LHFPL7: variants seen among roughly 807,000 people sequenced by gnomAD.
LHFPL7 encodes the protein LHFPL tetraspan subfamily member 7 protein.
the LHFPL7 span, among the ~76,000 whole-genome samples, chr22:24,941,979 T>TTTTTTTTATTTATTTATTTA: frequency 1.8e-4 from 26 of 145,888 alleles, no homozygotes; most frequent in African/African-American, 6.5e-4. Context: ...TTCAAATGTA[T>TTTTTTTTATTTATTTATTTA]TTTATTTATT....
At chr22:24,942,290 G>A in the LHFPL7 span, among the ~76,000 whole-genome samples, 2 of 152,194 alleles carry the variant, frequency 1.3e-5, no homozygotes, top group African/African-American at 4.8e-5. Context: ...CACCGCGCCC[G>A]GCCTCAAATG....
chr22:24,939,276 G>A, the LHFPL7 span: 1 of 700,676 alleles, frequency 1.4e-6, no homozygotes, highest in South Asian at 1.5e-5. Context: ...CAGCTTTCCT[G>A]CCTTAATGAG....
chr22:24,935,572 G>A, the LHFPL7 span: 205 of 1,612,714 alleles, frequency 1.3e-4, no homozygotes, highest in Non-Finnish European at 1.6e-4. Context: ...GGGAAAATCA[G>A]CAGACCCACA....
the LHFPL7 span, chr22:24,939,472 T>G: frequency 1.4e-6 from 1 of 702,966 alleles, no homozygotes. Context: ...GCAGGGGAGA[T>G]GAGGCTGAAG....
At chr22:24,946,321 CA>C in the LHFPL7 span, among the ~76,000 whole-genome samples, 1 of 151,796 alleles carries the variant, frequency 6.6e-6, no homozygotes, top group Non-Finnish European at 1.5e-5. Context: ...AAAAGAAAAA[CA>C]AAAAAACAAA....
chr22:24,941,602 G>GTTT, the LHFPL7 span, among the ~76,000 whole-genome samples: 1 of 96,566 alleles, frequency 1.0e-5, no homozygotes, highest in Non-Finnish European at 2.2e-5. Flanking sequence ...GCGTATATTT[G>GTTT]TTTTTTTTTT....
At chr22:24,935,405 C>T in the LHFPL7 span, 1 of 1,613,912 alleles carries the variant, frequency 6.2e-7, no homozygotes, top group Non-Finnish European at 8.5e-7. Context: ...TCCCTTGGAC[C>T]TTGGTTGTGT....
At chr22:24,946,241 C>T in the LHFPL7 span, among the ~76,000 whole-genome samples, 1 of 150,888 alleles carries the variant, frequency 6.6e-6, no homozygotes, top group Admixed American at 6.6e-5. Context: ...ACCCGGAAGG[C>T]GGAGGTTGCA....
the LHFPL7 span, among the ~76,000 whole-genome samples, chr22:24,942,825 T>G: frequency 6.6e-6 from 1 of 150,824 alleles, no homozygotes; most frequent in Non-Finnish European, 1.5e-5. Flanking sequence ...CTATAGGAGT[T>G]TGGGGAGATG....
At chr22:24,941,293 C>T in the LHFPL7 span, among the ~76,000 whole-genome samples, 42 of 151,902 alleles carry the variant, frequency 2.8e-4, no homozygotes, top group Non-Finnish European at 5.6e-4. Context: ...CTCAGCCTCC[C>T]GAGTAGCTGG....
chr22:24,938,700 ACAAT>A, the LHFPL7 span, among the ~76,000 whole-genome samples: 1 of 152,154 alleles, frequency 6.6e-6, no homozygotes, highest in African/African-American at 2.4e-5. Context: ...CACCCTTATA[ACAAT>A]CAATTTTGAA....
the LHFPL7 span, chr22:24,939,700 G>A: frequency 1.6e-6 from 1 of 619,704 alleles, no homozygotes; most frequent in Non-Finnish European, 2.9e-6. Flanking sequence ...GCAAATGGGA[G>A]GTACTAATAA....
chr22:24,945,779 C>T, the LHFPL7 span, among the ~76,000 whole-genome samples: 1 of 152,238 alleles, frequency 6.6e-6, no homozygotes, highest in East Asian at 1.9e-4. Flanking sequence ...CATGTCCAGG[C>T]TGAGATGCAC....
the LHFPL7 span, among the ~76,000 whole-genome samples, chr22:24,941,916 C>T: frequency 2.6e-5 from 4 of 152,090 alleles, no homozygotes; most frequent in African/African-American, 7.2e-5. Context: ...CCGCACGCCT[C>T]GGACTCCTAA....
chr22:24,935,112 C>A, the LHFPL7 span: 1 of 571,314 alleles, frequency 1.8e-6, no homozygotes, highest in Non-Finnish European at 3.0e-6. Context: ...GTGCAAAGTG[C>A]TTTATTTACA....
the LHFPL7 span, chr22:24,939,288 T>C: frequency 2.9e-6 from 2 of 701,694 alleles, no homozygotes; most frequent in South Asian, 3.0e-5. Flanking sequence ...CTTAATGAGT[T>C]TAAACGAGCC....
the LHFPL7 span, among the ~76,000 whole-genome samples, chr22:24,940,937 G>T: frequency 1.3e-5 from 2 of 151,862 alleles, no homozygotes; most frequent in African/African-American, 2.4e-5. Context: ...TTATTTTTTT[G>T]CAGAGACGTT....
At chr22:24,939,522 A>C in the LHFPL7 span, 1 of 703,026 alleles carries the variant, frequency 1.4e-6, no homozygotes, top group Non-Finnish European at 2.6e-6. Flanking sequence ...AGCTACCCAC[A>C]CACTGCTCAA....
chr22:24,939,517 C>T, the LHFPL7 span: 1 of 702,976 alleles, frequency 1.4e-6, no homozygotes, highest in South Asian at 1.5e-5. Context: ...CCCAGAGCTA[C>T]CCACACACTG....
Sources: gnomAD v4.1 joint callset for allele counts (sites outside exome capture counted in the v4.1 genomes callset) on GRCh38, gnomAD v4.1.1 for gene constraint, MANE v1.5 for transcripts, NCBI Gene and HGNC (gene_info 2026-07-23, HGNC 2026-07-21) for gene names.